Variants in PARP8 observed in about 807,000 individuals in gnomAD.
The protein encoded by PARP8 is poly(ADP-ribose) polymerase family member 8, also known as protein mono-ADP-ribosyltransferase PARP8.
Under a neutral mutation model 124.1 loss-of-function variants are expected in PARP8, and 51 were observed. That is an observed-to-expected ratio of 0.41 (90% CI 0.33 to 0.52). The LOEUF (loss-of-function observed/expected upper bound fraction) is 0.52. Ranked by LOEUF, PARP8 falls within the 20% of genes least tolerant of loss-of-function variation. The pLI is 0.21. For missense variants in PARP8, 860 were observed against 1,018.9 expected, an observed-to-expected ratio of 0.84 and a Z score of 2.12; for synonymous variants, 391 against 361.5, an observed-to-expected ratio of 1.08 and a Z score of -0.93.
chr5:50,775,905 G>T (rs1216475554), intron 7 of PARP8, among the ~76,000 whole-genome samples: 3 of 152,070 alleles, frequency 2.0e-5, no homozygotes, highest in East Asian at 1.9e-4. Context: ...TTGCCTGATT[G>T]CTCTGGCTAG....
chr5:50,677,065 C>T (rs1750716264), intron 2 of PARP8, among the ~76,000 whole-genome samples: 4 of 152,162 alleles, frequency 2.6e-5, no homozygotes, highest in African/African-American at 4.8e-5. Flanking sequence ...TGGAGCCTCA[C>T]AGGCACAAGA....
intron 2 of PARP8, among the ~76,000 whole-genome samples, chr5:50,704,594 G>T (rs547517596): frequency 6.6e-6 from 1 of 152,108 alleles, no homozygotes; most frequent in African/African-American, 2.4e-5. Flanking sequence ...GGATTGAGAC[G>T]TGCTGTAAGT....
intron 8 of PARP8, 54 bp downstream of exon 8, chr5:50,778,183 TATTTTTGGGGGAA>T: frequency 7.7e-7 from 1 of 1,298,442 alleles, no homozygotes; most frequent in Non-Finnish European, 1.1e-6. Flanking sequence ...CATTTTATTT[TATTTTTGGGGGAA>T]ATTTAATTTT....
At position 50,682,976 on chromosome 5, in the gene PARP8, G is replaced by T. The variant is rs1158094947; in HGVS notation, c.146+14851G>T. On this transcript the variant is annotated intron_variant, in intron 2 of 25. Coordinates refer to ENST00000281631, the MANE Select transcript of PARP8 (RefSeq NM_024615.4). ...GGATACAATGCTTGAAATTAGGACT[G>T]ACCCAAAAAATGCCTTGGTCTCGGT... Among the ~76,000 whole-genome samples the T allele has an allele frequency of 8.6e-5, 13 of 152,016 alleles. No homozygotes were observed. The East Asian group carries it at 2.5e-3, about 29-fold the overall frequency.
At chr5:50,755,801 TC>T (rs1759873075) in intron 3 of PARP8, among the ~76,000 whole-genome samples, 1 of 152,228 alleles carries the variant, frequency 6.6e-6, no homozygotes, top group South Asian at 2.1e-4. Context: ...TATTGATTCT[TC>T]CTATCCATGA....
Position 50,831,844 on chromosome 5 carries a change from A to G in PARP8, c.2234-937A>G, listed in dbSNP as rs1747022414. On this transcript the variant is annotated intron_variant, in intron 22 of 25. Coordinates refer to ENST00000281631, the MANE Select transcript of PARP8 (RefSeq NM_024615.4). ...CACTTACCTTTCCTCAAATTCTTGA[A>G]GGGCTCTTGATCTAAAACAAATGTA... 2.0e-5 allele frequency among the ~76,000 whole-genome samples: 3 copies of G among 152,288 alleles called. No homozygotes were observed. The South Asian group carries it at 6.2e-4, about 32-fold the overall frequency.
intron 11 of PARP8, 85 bp from the exon 12 acceptor site, chr5:50,794,768 C>A: frequency 8.3e-7 from 1 of 1,199,134 alleles, no homozygotes; most frequent in Non-Finnish European, 1.2e-6. Context: ...TTTATTAGCA[C>A]AGTCGAGTTT....
intron 2 of PARP8, among the ~76,000 whole-genome samples, chr5:50,732,909 C>T (rs772425193): frequency 9.9e-4 from 151 of 151,896 alleles, no homozygotes; most frequent in Non-Finnish European, 1.5e-3. Context: ...TGAGCCACCG[C>T]GACCAGCCGT....
intron 18 of PARP8, among the ~76,000 whole-genome samples, chr5:50,826,025 C>T (rs996014488): frequency 2.0e-5 from 3 of 151,756 alleles, no homozygotes; most frequent in African/African-American, 7.3e-5. Flanking sequence ...TCCATTGTAA[C>T]CTTTAAATTT....
chr5:50,783,280 T>C (rs1184269669), intron 9 of PARP8, among the ~76,000 whole-genome samples: 1 of 152,018 alleles, frequency 6.6e-6, no homozygotes, highest in African/African-American at 2.4e-5. Context: ...CTTCCTCAAG[T>C]CCAACCAGCG....
chr5:50,725,081 ATATATATATATACACATATGTGTATG>A (rs1561292401), intron 2 of PARP8, among the ~76,000 whole-genome samples: 4 of 149,472 alleles, frequency 2.7e-5, no homozygotes, highest in African/African-American at 7.4e-5. Context: ...GTATGTGTAT[ATATATATATATACACATATGTGTATG>A]TATACTATAT....
At chr5:50,723,262 G>A (rs1756086252) in intron 2 of PARP8, among the ~76,000 whole-genome samples, 1 of 152,032 alleles carries the variant, frequency 6.6e-6, no homozygotes, top group Non-Finnish European at 1.5e-5. Context: ...GAATTCTAGA[G>A]TGAAGTCCTG....
chr5:50,667,729 C>A (rs1165428498), intron 1 of PARP8: 2 of 701,690 alleles, frequency 2.9e-6, no homozygotes, highest in Non-Finnish European at 5.2e-6. Context: ...AGGCACCCAG[C>A]GCCCCTGCCT....
chr5:50,844,612 CTG>C lies in PARP8; in HGVS notation c.*2546_*2547del, dbSNP rs779500228. 1.3e-4 allele frequency: 20 copies of C among 151,684 alleles called. No homozygotes were observed. The highest frequency in any genetic ancestry group is 4.0e-4 in the Admixed American group (6 of 15,180). The allele number at this position is 151,684 out of a possible 1,614,324, so 9.4% of individuals were successfully genotyped here. ...TTGTGTTTTTATAATTATTTGAAAT[CTG>C]TTCACCAATGCTTTGTAATGGTTTT... On this transcript the variant is annotated 3_prime_UTR_variant, in exon 26 of 26. Transcript: ENST00000281631.
chr5:50,819,704 C>A (rs1745547828), intron 15 of PARP8, among the ~76,000 whole-genome samples: 1 of 152,018 alleles, frequency 6.6e-6, no homozygotes, highest in African/African-American at 2.4e-5. Context: ...GCCTCCCAAA[C>A]AAAGTGCTAG....
chr5:50,681,650 G>A (rs572198650), intron 2 of PARP8, among the ~76,000 whole-genome samples: 1 of 152,286 alleles, frequency 6.6e-6, no homozygotes, highest in East Asian at 1.9e-4. Flanking sequence ...CTCTGAAGTT[G>A]TAGAGGAGAC....
chr5:50,730,201 T>C (rs1395925213), intron 2 of PARP8, among the ~76,000 whole-genome samples: 7 of 152,330 alleles, frequency 4.6e-5, no homozygotes, highest in Non-Finnish European at 7.4e-5. Flanking sequence ...CTAAATTTTG[T>C]CAATTTTTTT....
At chr5:50,771,000 A>G (rs529893484) in intron 7 of PARP8, among the ~76,000 whole-genome samples, 55 of 151,998 alleles carry the variant, frequency 3.6e-4, no homozygotes, top group Non-Finnish European at 5.3e-4. Context: ...TTTAAAAATT[A>G]ATTCCTATGT....
chr5:50,802,607 G>A (rs1053656346), intron 14 of PARP8, among the ~76,000 whole-genome samples: 1 of 152,098 alleles, frequency 6.6e-6, no homozygotes, highest in Admixed American at 6.5e-5. Context: ...ATGAGCCACT[G>A]TACCCAGCCT....
Sources: allele counts gnomAD v4.1 joint callset (sites outside exome capture counted in the v4.1 genomes callset), GRCh38; gene constraint gnomAD v4.1.1; transcripts MANE v1.5; gene names NCBI Gene and HGNC (gene_info 2026-07-23, HGNC 2026-07-21).